The following FAM20B variants were observed in gnomAD, a reference collection of about 807,000 sequenced individuals.
The protein encoded by FAM20B is FAM20B glycosaminoglycan xylosylkinase, also known as glycosaminoglycan xylosylkinase.
FAM20B carries 23 observed loss-of-function variants against 43.8 expected under a neutral mutation model. That is an observed-to-expected ratio of 0.53 (90% CI 0.38 to 0.74). The LOEUF (loss-of-function observed/expected upper bound fraction) is 0.74. Ranked by LOEUF, FAM20B falls within the 30% of genes least tolerant of loss-of-function variation. The pLI is 0.00. For synonymous variants in FAM20B, 178 were observed against 192.4 expected, an observed-to-expected ratio of 0.93 and a Z score of 0.62; for missense variants, 440 against 510.5, an observed-to-expected ratio of 0.86 and a Z score of 1.33.
Position 179,072,792 on chromosome 1 carries a change from G to A in FAM20B, c.*648G>A, listed in dbSNP as rs1358147920. 1 of 152,222 alleles carries A rather than the reference G, an allele frequency of 6.6e-6. No homozygotes were observed. Among genetic ancestry groups the A allele is most frequent in the African/African-American group, 2.4e-5 (1 of 41,454 alleles). 9.4% of individuals were successfully genotyped at this position (152,222 alleles called of 1,614,324 possible). A position where few individuals can be genotyped will look rare whatever the true frequency, so the allele number is the denominator to read the frequency against. On this transcript the variant is annotated 3_prime_UTR_variant, in exon 8 of 8. Transcript: ENST00000263733. ...GGGAAGAAGAGAGAGAGACCCAATG[G>A]TAGAACCAGAATCAGGGAGATGACT...
At chr1:179,025,442 C>G (rs1471328538), upstream of FAM20B, among the ~76,000 whole-genome samples, 3 of 152,084 alleles carry the variant, frequency 2.0e-5, no homozygotes, top group East Asian at 5.8e-4. Flanking sequence ...GCAGAAGTTC[C>G]GAGCAGAAGT....
chr1:179,033,186 T>C (rs1650079106), intron 1 of FAM20B, among the ~76,000 whole-genome samples: 1 of 152,226 alleles, frequency 6.6e-6, no homozygotes. Flanking sequence ...TTAGGCTTTA[T>C]AAACCGGACA....
At chr1:179,069,402 G>A (rs145325099) in intron 7 of FAM20B, among the ~76,000 whole-genome samples, 20,481 of 152,128 alleles carry the variant, frequency 0.13, 1,601 homozygotes, top group East Asian at 0.3. Flanking sequence ...ATGGAGTCTC[G>A]CTCTGTCGCC....
At chr1:179,069,410 G>A (rs1170578915) in intron 7 of FAM20B, among the ~76,000 whole-genome samples, 4 of 152,028 alleles carry the variant, frequency 2.6e-5, no homozygotes, top group Non-Finnish European at 5.9e-5. Flanking sequence ...TCGCTCTGTC[G>A]CCCAGGCTGG....
At chr1:179,027,529 T>TTTGGCCTC (rs1649837333) in intron 1 of FAM20B, among the ~76,000 whole-genome samples, 1 of 152,238 alleles carries the variant, frequency 6.6e-6, no homozygotes. Flanking sequence ...GATGTTGGAC[T>TTTGGCCTC]TTGGCCTCTC....
At chr1:179,038,190 C>T (rs1275701257) in intron 1 of FAM20B, among the ~76,000 whole-genome samples, 1 of 152,038 alleles carries the variant, frequency 6.6e-6, no homozygotes, top group East Asian at 1.9e-4. Flanking sequence ...TGGCAGATCA[C>T]CTGAGGTCAG....
chr1:179,065,639 G>A (rs1292181616), intron 6 of FAM20B, among the ~76,000 whole-genome samples: 1 of 152,142 alleles, frequency 6.6e-6, no homozygotes, highest in Non-Finnish European at 1.5e-5. Context: ...AGATGGTGAT[G>A]GCCACAGAAA....
Position 179,075,314 on chromosome 1 carries a change from A to G in FAM20B, c.*3170A>G, listed in dbSNP as rs1652086546. 1 of 152,170 alleles carries G rather than the reference A, an allele frequency of 6.6e-6. No homozygotes were observed. The highest frequency in any genetic ancestry group is 1.5e-5 in the Non-Finnish European group (1 of 68,046). 9.4% of individuals were successfully genotyped at this position (152,170 alleles called of 1,614,324 possible). A position where few individuals can be genotyped will look rare whatever the true frequency, so the allele number is the denominator to read the frequency against. On this transcript the variant is annotated 3_prime_UTR_variant, in exon 8 of 8. Transcript: ENST00000263733. ...GGTTTGGATCAGCTGTAAGTTAGGT[A>G]TGCCTACCAAACATCCAAAGGTAGA...
At chr1:179,042,887 T>C (rs531816870) in intron 1 of FAM20B, among the ~76,000 whole-genome samples, 30 of 152,196 alleles carry the variant, frequency 2.0e-4, no homozygotes, top group African/African-American at 7.0e-4. Flanking sequence ...AGAGAGGAAG[T>C]GTGTGCTGAT....
chr1:179,056,868 C>G (rs1196613199), intron 4 of FAM20B, among the ~76,000 whole-genome samples: 2 of 152,130 alleles, frequency 1.3e-5, no homozygotes, highest in Non-Finnish European at 2.9e-5. Flanking sequence ...TTGCATCTCC[C>G]TGATGACATA....
chr1:179,051,928 G>A lies in FAM20B; in HGVS notation c.464+1563G>A, dbSNP rs142625848. Among the ~76,000 whole-genome samples the A allele has an allele frequency of 6.5e-3, 985 of 152,052 alleles. 18 individuals are homozygous for A. Among genetic ancestry groups the A allele is most frequent in the African/African-American group, 0.023 (949 of 41,484 alleles). ...CTCCCAAAGTGCTGGGATTACAGAC[G>A]TGAGTCACCACGCCCAGCCTAAAAA... On this transcript the variant is annotated intron_variant, in intron 3 of 7. Coordinates refer to ENST00000263733, the MANE Select transcript of FAM20B (RefSeq NM_014864.4).
intron 3 of FAM20B, among the ~76,000 whole-genome samples, chr1:179,053,274 A>C (rs1412479445): frequency 6.6e-6 from 1 of 152,084 alleles, no homozygotes; most frequent in Non-Finnish European, 1.5e-5. Context: ...GGCAATTTTC[A>C]ATGGGAAGAA....
At chr1:179,050,256 T>C (rs749803921) in intron 2 of FAM20B, 23 bp from the exon 3 acceptor site, 1 of 1,562,998 alleles carries the variant, frequency 6.4e-7, no homozygotes, top group Admixed American at 1.7e-5. Flanking sequence ...CGTATACATC[T>C]GTGCTTCCCA....
chr1:179,021,072 A>G (rs1649596815), upstream of FAM20B, among the ~76,000 whole-genome samples: 1 of 151,942 alleles, frequency 6.6e-6, no homozygotes, highest in Non-Finnish European at 1.5e-5. Flanking sequence ...CTTTGTCTCA[A>G]AAAGAAAAAA....
chr1:179,031,237 T>C (rs980202250), intron 1 of FAM20B, among the ~76,000 whole-genome samples: 5 of 152,232 alleles, frequency 3.3e-5, no homozygotes, highest in Admixed American at 2.6e-4. Flanking sequence ...AAATGGTGGT[T>C]CTGTACTGAC....
At chr1:179,028,330 T>C (rs1328790213) in intron 1 of FAM20B, among the ~76,000 whole-genome samples, 5 of 152,218 alleles carry the variant, frequency 3.3e-5, no homozygotes, top group Non-Finnish European at 7.3e-5. Context: ...ATGCCTGTAA[T>C]CCCAGCACTT....
intron 4 of FAM20B, among the ~76,000 whole-genome samples, chr1:179,058,279 G>T (rs1045612492): frequency 6.6e-6 from 1 of 152,226 alleles, no homozygotes; most frequent in Non-Finnish European, 1.5e-5. Context: ...AAAAATCCGT[G>T]ATTTCTTGTA....
At chr1:179,019,928 C>T in the FAM20B span, among the ~76,000 whole-genome samples, 1 of 152,172 alleles carries the variant, frequency 6.6e-6, no homozygotes, top group African/African-American at 2.4e-5. Flanking sequence ...CTCCTTATTT[C>T]ACCCATGGGC....
rs1459609941 is a variant in FAM20B at position 179,074,488 on chromosome 1, T to C, written c.*2344T>C. 6.6e-6 allele frequency: 1 copy of C among 152,364 alleles called. No individual in the cohort carries two copies. 9.4% of individuals were successfully genotyped at this position (152,364 alleles called of 1,614,324 possible). ...ACATGACGCCTTTAGTATGCCACAC[T>C]GAAATGAATAAGAAGTCTTCTGAAA... is the stretch of plus-strand genomic sequence containing the variant. On this transcript the variant is annotated 3_prime_UTR_variant, in exon 8 of 8. Coordinates refer to ENST00000263733, the MANE Select transcript of FAM20B (RefSeq NM_014864.4).
Sources: allele counts gnomAD v4.1 joint callset (sites outside exome capture counted in the v4.1 genomes callset), GRCh38; gene constraint gnomAD v4.1.1; transcripts MANE v1.5; gene names NCBI Gene and HGNC (gene_info 2026-07-23, HGNC 2026-07-21).